Variants in GALNTL6 observed in about 807,000 individuals in gnomAD.
GALNTL6 encodes the protein polypeptide N-acetylgalactosaminyltransferase like 6, also known as polypeptide N-acetylgalactosaminyltransferase-like 6.
A neutral mutation model predicts 73.7 loss-of-function variants in GALNTL6; 46 were observed. The ratio of observed to expected loss-of-function variants is 0.62; its 90% CI spans 0.49 to 0.80. The LOEUF is 0.80. GALNTL6 is among the 30% of genes least tolerant of loss of function. The pLI is 0.00. For synonymous variants in GALNTL6, 259 were observed against 263.7 expected (o/e 0.98, Z 0.17); for missense variants, 604 against 755.0 (o/e 0.80, Z 2.34).
intron 5 of GALNTL6, among the ~76,000 whole-genome samples, chr4:172,677,317 C>A (rs1357574753): frequency 6.6e-6 from 1 of 152,146 alleles, no homozygotes; most frequent in East Asian, 1.9e-4. Flanking sequence ...TGACCTCTGA[C>A]CCAATTCGGC....
intron 5 of GALNTL6, among the ~76,000 whole-genome samples, chr4:172,478,322 C>G (rs779877415): frequency 1.1e-4 from 16 of 152,096 alleles, no homozygotes; most frequent in Non-Finnish European, 2.1e-4. Context: ...GACACTTAGA[C>G]CAGTGGAACA....
At chr4:172,593,361 G>T (rs1185368930) in intron 5 of GALNTL6, among the ~76,000 whole-genome samples, 2 of 152,154 alleles carry the variant, frequency 1.3e-5, no homozygotes, top group African/African-American at 4.8e-5. Context: ...ATACACATTT[G>T]TTAGCTCTTA....
At chr4:172,069,484 A>AACACATATATGTTATATGTATG (rs1731452411) in intron 2 of GALNTL6, among the ~76,000 whole-genome samples, 1 of 29,668 alleles carries the variant, frequency 3.4e-5, no homozygotes, top group Non-Finnish European at 1.2e-4. Context: ...TGTTATATAT[A>AACACATATATGTTATATGTATG]ACACATATGT....
chr4:172,940,457 G>A (rs28615626), intron 9 of GALNTL6, among the ~76,000 whole-genome samples: 5,518 of 151,868 alleles, frequency 0.036, 205 homozygotes, highest in African/African-American at 0.094. Context: ...CTGCCTCTGG[G>A]GTTCAAGTGA....
intron 5 of GALNTL6, among the ~76,000 whole-genome samples, chr4:172,534,577 AT>A (rs34159994): frequency 0.11 from 16,257 of 150,278 alleles, 1,001 homozygotes; most frequent in East Asian, 0.23. Context: ...TAAATGAGAA[AT>A]TTTTTTTTTT....
chr4:171,892,514 A>G (rs1332988605), intron 2 of GALNTL6, among the ~76,000 whole-genome samples: 1 of 152,118 alleles, frequency 6.6e-6, no homozygotes, highest in East Asian at 1.9e-4. Context: ...TCTTCTCATC[A>G]TCCTCCTCTT....
intron 5 of GALNTL6, among the ~76,000 whole-genome samples, chr4:172,726,579 A>G (rs1401790674): frequency 6.6e-6 from 1 of 152,116 alleles, no homozygotes; most frequent in Non-Finnish European, 1.5e-5. Context: ...TTGAACCCCA[A>G]CCTATAATCA....
At chr4:172,310,270 A>T (rs1169226681) in intron 3 of GALNTL6, among the ~76,000 whole-genome samples, 1 of 151,008 alleles carries the variant, frequency 6.6e-6, no homozygotes, top group Admixed American at 6.6e-5. Flanking sequence ...ATTACTCGAT[A>T]ATTTTTTTTT....
chr4:172,699,953 T>C (rs1482979796), intron 5 of GALNTL6, among the ~76,000 whole-genome samples: 5 of 152,106 alleles, frequency 3.3e-5, no homozygotes, highest in Admixed American at 3.3e-4. Context: ...TGAGTTCAAG[T>C]CTCTTGAAAC....
chr4:172,186,665 G>A (rs1415330281), intron 2 of GALNTL6, among the ~76,000 whole-genome samples: 2 of 152,000 alleles, frequency 1.3e-5, no homozygotes, highest in African/African-American at 4.8e-5. Context: ...CTAGGTCATA[G>A]AAACTAAACA....
intron 7 of GALNTL6, among the ~76,000 whole-genome samples, chr4:172,830,399 T>C (rs923824331): frequency 8.6e-5 from 13 of 150,942 alleles, no homozygotes; most frequent in African/African-American, 3.2e-4. Flanking sequence ...GCCTAAAATA[T>C]TAAAAACGAC....
chr4:172,107,776 T>C (rs1732723777), intron 2 of GALNTL6, among the ~76,000 whole-genome samples: 1 of 151,872 alleles, frequency 6.6e-6, no homozygotes, highest in Admixed American at 6.6e-5. Flanking sequence ...TATATACATA[T>C]GTAACTAACC....
At chr4:172,517,394 G>A (rs1734645067) in intron 5 of GALNTL6, among the ~76,000 whole-genome samples, 1 of 151,978 alleles carries the variant, frequency 6.6e-6, no homozygotes, top group Non-Finnish European at 1.5e-5. Context: ...AATCTCTTAG[G>A]AATGACTTGT....
chr4:172,062,037 C>T (rs1579100014), intron 2 of GALNTL6, among the ~76,000 whole-genome samples: 1 of 150,980 alleles, frequency 6.6e-6, no homozygotes, highest in South Asian at 2.1e-4. Context: ...CAACTTCTGC[C>T]CCCCCAGGTT....
intron 2 of GALNTL6, among the ~76,000 whole-genome samples, chr4:172,012,788 C>T (rs913831190): frequency 1.3e-5 from 2 of 152,004 alleles, no homozygotes; most frequent in South Asian, 4.2e-4. Context: ...TTTTTGAGGA[C>T]TCAGCTTTGG....
chr4:171,976,940 A>C (rs1446854853), intron 2 of GALNTL6, among the ~76,000 whole-genome samples: 1 of 152,212 alleles, frequency 6.6e-6, no homozygotes, highest in African/African-American at 2.4e-5. Flanking sequence ...GAATCAAGTC[A>C]GAAGTATTCT....
chr4:172,700,700 A>C (rs1733975985), intron 5 of GALNTL6, among the ~76,000 whole-genome samples: 1 of 152,208 alleles, frequency 6.6e-6, no homozygotes, highest in Non-Finnish European at 1.5e-5. Flanking sequence ...CCCTGCAAAA[A>C]TCATTAACAT....
chr4:172,752,529 G>A (rs1737486312), intron 5 of GALNTL6, among the ~76,000 whole-genome samples: 1 of 151,904 alleles, frequency 6.6e-6, no homozygotes, highest in African/African-American at 2.4e-5. Flanking sequence ...TGAAACATAA[G>A]TTGCTTAATT....
intron 2 of GALNTL6, among the ~76,000 whole-genome samples, chr4:172,025,216 A>T (rs1374167071): frequency 6.6e-6 from 1 of 152,064 alleles, no homozygotes; most frequent in Non-Finnish European, 1.5e-5. Context: ...GCTTTCCAGT[A>T]ACATTCCCAG....
Sources: gnomAD v4.1 joint callset for allele counts (sites outside exome capture counted in the v4.1 genomes callset) on GRCh38, gnomAD v4.1.1 for gene constraint, MANE v1.5 for transcripts, NCBI Gene and HGNC (gene_info 2026-07-23, HGNC 2026-07-21) for gene names.